Variants in RPS6KA2 observed in about 807,000 individuals in gnomAD.
The protein encoded by RPS6KA2 is ribosomal protein S6 kinase A2.
A neutral mutation model predicts 91.8 loss-of-function variants in RPS6KA2; 42 were observed. That is an observed-to-expected ratio of 0.46 (90% CI 0.36 to 0.59). The LOEUF (loss-of-function observed/expected upper bound fraction) is 0.59, where lower values mean the gene tolerates loss of function less well. Ranked by LOEUF, RPS6KA2 falls within the 20% of genes least tolerant of loss-of-function variation. The pLI is 0.00. For missense variants in RPS6KA2, 798 were observed against 978.5 expected (o/e 0.82, Z 2.46); for synonymous variants, 414 against 393.6 (o/e 1.05, Z -0.61).
intron 2 of RPS6KA2, among the ~76,000 whole-genome samples, chr6:166,713,058 G>A (rs149850233): frequency 9.0e-4 from 137 of 152,352 alleles, no homozygotes; most frequent in African/African-American, 3.0e-3. Context: ...TGTCCCTGGA[G>A]GTGGCGTCCT....
intron 2 of RPS6KA2, among the ~76,000 whole-genome samples, chr6:166,688,226 G>A (rs1454597298): frequency 2.6e-5 from 4 of 152,118 alleles, no homozygotes; most frequent in South Asian, 2.1e-4. Flanking sequence ...GCCTGCCTCC[G>A]AGGTCTCTGG....
intron 1 of RPS6KA2, among the ~76,000 whole-genome samples, chr6:166,611,292 T>A (rs1453016764): frequency 6.6e-6 from 1 of 152,234 alleles, no homozygotes; most frequent in Non-Finnish European, 1.5e-5. Context: ...ATGTGCCCAT[T>A]TATTCTAATG....
chr6:166,717,562 C>A (rs1216410311), intron 2 of RPS6KA2, among the ~76,000 whole-genome samples: 1 of 152,196 alleles, frequency 6.6e-6, no homozygotes, highest in Non-Finnish European at 1.5e-5. Flanking sequence ...GCTCAGCAGA[C>A]CACTGGCAGT....
At chr6:166,719,990 TA>T (rs1460899409) in intron 2 of RPS6KA2, among the ~76,000 whole-genome samples, 1 of 152,258 alleles carries the variant, frequency 6.6e-6, no homozygotes, top group Non-Finnish European at 1.5e-5. Context: ...AAGTTAACTC[TA>T]AACCTTTAGC....
intron 2 of RPS6KA2, among the ~76,000 whole-genome samples, chr6:166,823,109 T>G (rs560902534): frequency 1.3e-3 from 204 of 152,232 alleles, no homozygotes; most frequent in African/African-American, 4.7e-3. Flanking sequence ...TAGACCCAAC[T>G]GACAAAAGAC....
At chr6:166,725,407 CAG>C (rs1417059865) in intron 2 of RPS6KA2, among the ~76,000 whole-genome samples, 3 of 152,212 alleles carry the variant, frequency 2.0e-5, no homozygotes, top group Non-Finnish European at 4.4e-5. Flanking sequence ...AGGCACATGA[CAG>C]AAGGAAACTG....
At chr6:166,859,523 C>G (rs1008794039) in intron 1 of RPS6KA2, among the ~76,000 whole-genome samples, 1 of 152,198 alleles carries the variant, frequency 6.6e-6, no homozygotes, top group Non-Finnish European at 1.5e-5. Context: ...TCTGGAGGTT[C>G]TGGCTCTTAA....
chr6:166,475,329 C>T (rs969746232), intron 10 of RPS6KA2, among the ~76,000 whole-genome samples: 2 of 152,246 alleles, frequency 1.3e-5, no homozygotes, highest in African/African-American at 2.4e-5. Context: ...CCACTGCGTA[C>T]TCCCGAGCGT....
chr6:166,826,430 C>T (rs1176095072), intron 2 of RPS6KA2, among the ~76,000 whole-genome samples: 4 of 152,206 alleles, frequency 2.6e-5, no homozygotes, highest in Non-Finnish European at 4.4e-5. Context: ...TGGGCCATGT[C>T]CTGGGATGAC....
At chr6:166,455,198 G>T (rs189610759) in intron 12 of RPS6KA2, among the ~76,000 whole-genome samples, 229 of 152,264 alleles carry the variant, frequency 1.5e-3, no homozygotes, top group African/African-American at 5.4e-3. Flanking sequence ...ACACGGTGCG[G>T]CAGGTGTGTG....
chr6:166,539,686 A>C (rs6918551), intron 1 of RPS6KA2, among the ~76,000 whole-genome samples: 8,715 of 152,212 alleles, frequency 0.057, 873 homozygotes, highest in African/African-American at 0.2. Context: ...AAACACTACA[A>C]ATTTTCATCC....
intron 10 of RPS6KA2, among the ~76,000 whole-genome samples, chr6:166,486,937 T>C (rs1781433631): frequency 6.6e-6 from 1 of 152,228 alleles, no homozygotes; most frequent in African/African-American, 2.4e-5. Context: ...CGGCCCAAAA[T>C]GCAGACGGTG....
In RPS6KA2 at chr6:166,563,935, G is replaced by T. The variant is rs1179581393; in HGVS notation, c.100-25151C>A. Reference sequence around the variant, plus strand: ...CTGGACGTGGCAGGAAAGAGGAGACGATTACTCCGTGTCTCAGCATGAAGA... The same window carrying T: ...CTGGACGTGGCAGGAAAGAGGAGACTATTACTCCGTGTCTCAGCATGAAGA... On this transcript the variant is annotated intron_variant, in intron 1 of 20. Transcript: ENST00000265678. This position sits in a 1 kb window ranked among gnomAD's most constrained non-coding sequence, Gnocchi z 4.1. Among the ~76,000 whole-genome samples the T allele has an allele frequency of 6.6e-6, 1 of 152,260 alleles. No individual in the cohort carries two copies. Among genetic ancestry groups the T allele is most frequent in the Non-Finnish European group, 1.5e-5 (1 of 68,026 alleles).
In RPS6KA2 at chr6:166,459,246, A is replaced by G. The variant is rs1313345905; in HGVS notation, c.1075+203T>C. Among the ~76,000 whole-genome samples, 1 of 152,254 alleles carries G rather than the reference A, an allele frequency of 6.6e-6. No individual in the cohort carries two copies. Among genetic ancestry groups the G allele is most frequent in the Non-Finnish European group, 1.5e-5 (1 of 68,048 alleles). On this transcript the variant is annotated intron_variant, in intron 12 of 20. Transcript: ENST00000265678. This position sits in a 1 kb window ranked among gnomAD's most constrained non-coding sequence, Gnocchi z 4.9. ...TCATCATTTCCAAGGTGGAGGTTAT[A>G]TAGGGAACAACAGAGAACTGGGGCT...
At chr6:166,667,367 T>C (rs912766422) in intron 2 of RPS6KA2, among the ~76,000 whole-genome samples, 1 of 152,262 alleles carries the variant, frequency 6.6e-6, no homozygotes, top group African/African-American at 2.4e-5. Context: ...GATAATTTCT[T>C]ATTCTATAGC....
intron 2 of RPS6KA2, among the ~76,000 whole-genome samples, chr6:166,721,730 G>T (rs554106866): frequency 6.6e-6 from 1 of 152,332 alleles, no homozygotes; most frequent in South Asian, 2.1e-4. Context: ...GCGGGCGGCA[G>T]AGTTAGCAGA....
chr6:166,448,645 T>G lies in RPS6KA2; in HGVS notation c.1332+79A>C, dbSNP rs765761896. 144 of 1,496,118 alleles carry G rather than the reference T, an allele frequency of 9.6e-5. No homozygotes were observed. The highest frequency in any genetic ancestry group is 1.2e-4 in the Non-Finnish European group (136 of 1,109,356). 92.7% of individuals were successfully genotyped at this position (1,496,118 alleles called of 1,614,324 possible). ...ACAGGGCCCTGCTATGCTCCTATGC[T>G]CCGTGCTCCCACATACCACACGTGC... is the stretch of plus-strand genomic sequence containing the variant. On this transcript the variant is annotated intron_variant, in intron 14 of 20. Transcript: ENST00000265678. This position sits in a 1 kb window ranked among gnomAD's most constrained non-coding sequence, Gnocchi z 4.7.
intron 2 of RPS6KA2, among the ~76,000 whole-genome samples, chr6:166,810,644 G>A (rs1222407435): frequency 1.3e-5 from 2 of 152,108 alleles, no homozygotes; most frequent in South Asian, 2.1e-4. Context: ...TCCACCCCAC[G>A]CAGGCCTGTT....
At chr6:166,834,730 G>C (rs961428749) in intron 2 of RPS6KA2, among the ~76,000 whole-genome samples, 1 of 152,080 alleles carries the variant, frequency 6.6e-6, no homozygotes, top group African/African-American at 2.4e-5. Flanking sequence ...CTTTTATGAG[G>C]TATGTGTTTT....
Sources: allele counts gnomAD v4.1 joint callset (sites outside exome capture counted in the v4.1 genomes callset), GRCh38; gene constraint gnomAD v4.1.1; non-coding constraint Gnocchi (gnomAD v3.1); transcripts MANE v1.5; gene names NCBI Gene and HGNC (gene_info 2026-07-23, HGNC 2026-07-21).